Variants in RPTOR observed in about 807,000 individuals in gnomAD.
RPTOR encodes regulatory associated protein of MTOR complex 1, also known as regulatory-associated protein of mTOR.
Under a neutral mutation model 169.9 loss-of-function variants are expected in RPTOR, and 21 were observed. That is an observed-to-expected ratio of 0.12 (90% CI 0.09 to 0.18). RPTOR has a LOEUF of 0.18. Ranked by LOEUF, RPTOR falls within the 10% of genes least tolerant of loss-of-function variation. The pLI, the probability that RPTOR is intolerant of heterozygous loss-of-function variation, is 1.00. For synonymous variants in RPTOR, 732 were observed against 753.2 expected (o/e 0.97, Z 0.46); for missense variants, 1,133 against 1,855.9 (o/e 0.61, Z 7.16).
intron 20 of RPTOR, among the ~76,000 whole-genome samples, chr17:80,894,577 G>A (rs2068375015): frequency 6.6e-6 from 1 of 152,178 alleles, no homozygotes; most frequent in Admixed American, 6.5e-5. Context: ...AATTCACCGT[G>A]TTTTCTTATT....
rs2066220858 is a variant in RPTOR at position 80,714,184 on chromosome 17, G to C, written c.507+6185G>C. Among the ~76,000 whole-genome samples, 3 of 152,214 alleles carry C rather than the reference G, an allele frequency of 2.0e-5. No homozygotes were observed. The South Asian group carries it at 6.2e-4, about 32-fold the overall frequency. On this transcript the variant is annotated intron_variant, in intron 4 of 33. Transcript: ENST00000306801. ...TTGAACTCCTGACCTCAGGTGATCTGCCGGCCTCGGCCTCCTAAAGTGCTG... is the reference window on the plus strand; with the variant it reads ...TTGAACTCCTGACCTCAGGTGATCTCCCGGCCTCGGCCTCCTAAAGTGCTG...
At chr17:80,842,266 A>G (rs2067679687) in intron 10 of RPTOR, among the ~76,000 whole-genome samples, 1 of 152,212 alleles carries the variant, frequency 6.6e-6, no homozygotes, top group African/African-American at 2.4e-5. Flanking sequence ...CTTCTTCAGT[A>G]TGGATTTTTG....
At chr17:80,740,986 T>C (rs1567885140) in intron 5 of RPTOR, among the ~76,000 whole-genome samples, 1 of 152,266 alleles carries the variant, frequency 6.6e-6, no homozygotes, top group Admixed American at 6.5e-5. Context: ...AGTGAGGTGC[T>C]ACCTCGCGCC....
At position 80,636,968 on chromosome 17, in the gene RPTOR, T is replaced by C. The variant is rs181326576; in HGVS notation, c.266-6760T>C. On this transcript the variant is annotated intron_variant, in intron 2 of 33. Transcript: ENST00000306801. Reference sequence around the variant, plus strand: ...AGGGTTGAAGGTCTCCAGCAGATTCTGGGAGTAGATGCACGGTGCTGCTTA... The same window carrying C: ...AGGGTTGAAGGTCTCCAGCAGATTCCGGGAGTAGATGCACGGTGCTGCTTA... 5.3e-5 allele frequency among the ~76,000 whole-genome samples: 8 copies of C among 152,366 alleles called. No individual in the cohort carries two copies. In the East Asian group the frequency reaches 1.5e-3, roughly 29 times the overall value.
At chr17:80,895,612 C>T (rs1247672446) in intron 20 of RPTOR, among the ~76,000 whole-genome samples, 3 of 152,248 alleles carry the variant, frequency 2.0e-5, no homozygotes, top group African/African-American at 7.2e-5. Flanking sequence ...CGTGGATACA[C>T]GTGAGTGCCT....
rs897247272 is a variant in RPTOR, at chr17:80,562,612, C to T, written c.162+16821C>T. Among the ~76,000 whole-genome samples, 2 of 152,124 alleles carry T rather than the reference C, an allele frequency of 1.3e-5. No individual in the cohort carries two copies. The highest frequency in any genetic ancestry group is 2.4e-5 in the African/African-American group (1 of 41,428). On this transcript the variant is annotated intron_variant, in intron 1 of 33. Coordinates refer to ENST00000306801, the MANE Select transcript of RPTOR (RefSeq NM_020761.3). This position sits in a 1 kb window ranked among gnomAD's most constrained non-coding sequence, Gnocchi z 4.4. ...CAGCCTGGCCAACATGGCGAAACCCCGTCTCTACTAAAAATACAGGAATTA... is the reference window on the plus strand; with the variant it reads ...CAGCCTGGCCAACATGGCGAAACCCTGTCTCTACTAAAAATACAGGAATTA...
chr17:80,882,855 G>A (rs962298035), intron 14 of RPTOR, among the ~76,000 whole-genome samples: 5 of 152,352 alleles, frequency 3.3e-5, no homozygotes, highest in African/African-American at 9.6e-5. Context: ...TCCAAGAGGC[G>A]CGTAGGACAC....
At chr17:80,766,394 G>C (rs1448906751) in intron 6 of RPTOR, among the ~76,000 whole-genome samples, 1 of 152,116 alleles carries the variant, frequency 6.6e-6, no homozygotes, top group Admixed American at 6.5e-5. Context: ...CTTTTACTTA[G>C]ATGGGAGTGC....
intron 3 of RPTOR, among the ~76,000 whole-genome samples, chr17:80,645,389 C>G (rs1056994595): frequency 6.6e-6 from 1 of 152,150 alleles, no homozygotes; most frequent in Non-Finnish European, 1.5e-5. Context: ...AAGAATGTAA[C>G]CCAATAAATT....
chr17:80,624,993 C>G (rs1157797445), intron 1 of RPTOR, among the ~76,000 whole-genome samples: 1 of 152,170 alleles, frequency 6.6e-6, no homozygotes, highest in Non-Finnish European at 1.5e-5. Context: ...CAGAGAAGGC[C>G]TCCCCAAGAA....
At chr17:80,829,380 G>A (rs1190223022) in intron 9 of RPTOR, among the ~76,000 whole-genome samples, 4 of 152,214 alleles carry the variant, frequency 2.6e-5, no homozygotes, top group Non-Finnish European at 1.5e-5. Flanking sequence ...GGGGCTCTGC[G>A]GGGCGGTTTT....
At chr17:80,864,530 G>T (rs541569427) in intron 13 of RPTOR, among the ~76,000 whole-genome samples, 1 of 151,444 alleles carries the variant, frequency 6.6e-6, no homozygotes, top group Non-Finnish European at 1.5e-5. Context: ...TGTCAACCTA[G>T]AATTCTATAC....
At chr17:80,709,768 C>T (rs1303827660) in intron 4 of RPTOR, among the ~76,000 whole-genome samples, 1 of 152,084 alleles carries the variant, frequency 6.6e-6, no homozygotes, top group South Asian at 2.1e-4. Flanking sequence ...CCATTAAGAT[C>T]GCGCACCCTG....
chr17:80,639,542 C>T (rs112522508), intron 2 of RPTOR, among the ~76,000 whole-genome samples: 3 of 152,120 alleles, frequency 2.0e-5, no homozygotes, highest in African/African-American at 7.2e-5. Flanking sequence ...TGCTGGGTCT[C>T]CACTCTTGGC....
chr17:80,560,071 C>T (rs2084460844), intron 1 of RPTOR, among the ~76,000 whole-genome samples: 1 of 152,208 alleles, frequency 6.6e-6, no homozygotes, highest in Admixed American at 6.5e-5. Context: ...GAATTTACAT[C>T]TTATAAGAGA....
At chr17:80,678,772 A>G (rs1279938120) in intron 3 of RPTOR, among the ~76,000 whole-genome samples, 1 of 152,116 alleles carries the variant, frequency 6.6e-6, no homozygotes, top group East Asian at 1.9e-4. Context: ...CTGGGATTGC[A>G]GTATCGTGGT....
intron 3 of RPTOR, among the ~76,000 whole-genome samples, chr17:80,700,439 A>ATGGTGGTGGTGGTGATGG (rs1567864214): frequency 1.1e-5 from 1 of 93,852 alleles, no homozygotes; most frequent in Non-Finnish European, 2.4e-5. Flanking sequence ...GGTGGTTATG[A>ATGGTGGTGGTGGTGATGG]TGGTGGTGGT....
At chr17:80,671,243 G>A (rs554160528) in intron 3 of RPTOR, among the ~76,000 whole-genome samples, 6 of 152,288 alleles carry the variant, frequency 3.9e-5, no homozygotes, top group African/African-American at 7.2e-5. Flanking sequence ...CCCGGCAGCC[G>A]ATGGCCTTTC....
At chr17:80,573,082 G>A (rs1016005715) in intron 1 of RPTOR, among the ~76,000 whole-genome samples, 3 of 152,178 alleles carry the variant, frequency 2.0e-5, no homozygotes, top group East Asian at 3.9e-4. Flanking sequence ...GTGCTCTGTC[G>A]TAGGCCAAGT....
Sources: gnomAD v4.1 joint callset for allele counts (sites outside exome capture counted in the v4.1 genomes callset) on GRCh38, gnomAD v4.1.1 for gene constraint, Gnocchi (gnomAD v3.1) non-coding constraint, MANE v1.5 for transcripts, NCBI Gene and HGNC (gene_info 2026-07-23, HGNC 2026-07-21) for gene names.